KIF6: variants seen among roughly 807,000 people sequenced by gnomAD.
KIF6 encodes kinesin-like protein KIF6.
A neutral mutation model predicts 112.7 loss-of-function variants in KIF6; 106 were observed. That is an observed-to-expected ratio of 0.94 (90% CI 0.80 to 1.11). KIF6 has a LOEUF of 1.11. KIF6 is among the 50% of genes least tolerant of loss of function. The probability of loss-of-function intolerance (pLI) is 0.00; values close to 1 mark genes in which losing one functional copy is unlikely to be tolerated. For synonymous variants in KIF6, 339 were observed against 339.9 expected (o/e 1.00, Z 0.03); for missense variants, 929 against 964.0 (o/e 0.96, Z 0.48).
chr6:39,546,593 A>C lies in KIF6; in HGVS notation c.1182-905T>G, dbSNP rs184730901. On this transcript the variant is annotated intron_variant, in intron 10 of 22. Transcript: ENST00000287152. ...GTAATCCCAGCACTTTGGGAGGCCC[A>C]GGTGGGCGGATCACTTGAGGTCAGG... Among the ~76,000 whole-genome samples, 284 of 152,336 alleles carry C rather than the reference A, an allele frequency of 1.9e-3. 2 individuals are homozygous for C. Among genetic ancestry groups the C allele is most frequent in the African/African-American group, 6.7e-3 (278 of 41,580 alleles).
At chr6:39,341,433 T>C (rs906095007) in intron 22 of KIF6, among the ~76,000 whole-genome samples, 3 of 152,156 alleles carry the variant, frequency 2.0e-5, no homozygotes, top group Non-Finnish European at 4.4e-5. Context: ...CTGCTTCCTC[T>C]CTCTCCGCAA....
chr6:39,441,674 T>C (rs553227718), intron 13 of KIF6, among the ~76,000 whole-genome samples: 28 of 152,298 alleles, frequency 1.8e-4, no homozygotes, highest in African/African-American at 6.7e-4. Context: ...TGACTGCAGA[T>C]GTGAAGACCA....
At chr6:39,583,206 C>A in intron 9 of KIF6, 1 of 250,564 alleles carries the variant, frequency 4.0e-6, no homozygotes, top group Non-Finnish European at 8.4e-6. Context: ...TCCTTAAATT[C>A]TGAACTAGTT....
chr6:39,475,248 T>C (rs1032536675), intron 13 of KIF6, among the ~76,000 whole-genome samples: 1 of 152,140 alleles, frequency 6.6e-6, no homozygotes, highest in Non-Finnish European at 1.5e-5. Context: ...ATATGGGTGT[T>C]CTGGGGAGGA....
intron 15 of KIF6, among the ~76,000 whole-genome samples, chr6:39,404,097 A>G (rs1454814630): frequency 3.3e-5 from 5 of 152,152 alleles, no homozygotes; most frequent in Non-Finnish European, 7.4e-5. Context: ...TGATATCTGA[A>G]AATATTTTCT....
intron 13 of KIF6, among the ~76,000 whole-genome samples, chr6:39,482,080 G>A (rs529308111): frequency 6.6e-6 from 1 of 151,590 alleles, no homozygotes; most frequent in African/African-American, 2.4e-5. Flanking sequence ...ATCAACCACA[G>A]ATAACTCCAG....
chr6:39,419,206 T>C (rs1484983804), intron 15 of KIF6, among the ~76,000 whole-genome samples: 1 of 151,550 alleles, frequency 6.6e-6, no homozygotes, highest in East Asian at 1.9e-4. Context: ...TCACAAAAAT[T>C]AGCTGGGTGT....
intron 3 of KIF6, among the ~76,000 whole-genome samples, chr6:39,712,251 CA>C (rs1203417501): frequency 2.0e-5 from 3 of 151,212 alleles, no homozygotes; most frequent in African/African-American, 7.3e-5. Context: ...CAAAATGTCA[CA>C]AGGCAGTTGA....
chr6:39,622,547 A>G (rs1027151171), intron 5 of KIF6, among the ~76,000 whole-genome samples: 1 of 152,166 alleles, frequency 6.6e-6, no homozygotes. Flanking sequence ...TTTCCTCTCC[A>G]TCAATGATTG....
At chr6:39,455,825 G>A (rs1290466269) in intron 13 of KIF6, among the ~76,000 whole-genome samples, 3 of 148,164 alleles carry the variant, frequency 2.0e-5, no homozygotes, top group Non-Finnish European at 4.5e-5. Flanking sequence ...AGAGAAAAAA[G>A]AATAAAAAGA....
chr6:39,640,037 C>A (rs1348999479), intron 3 of KIF6, among the ~76,000 whole-genome samples: 3 of 151,946 alleles, frequency 2.0e-5, no homozygotes, highest in Non-Finnish European at 2.9e-5. Context: ...GGACTTGAAT[C>A]AAAGAATATA....
Position 39,725,395 on chromosome 6 carries a change from G to T in KIF6, c.-85C>A. On this transcript the variant is annotated 5_prime_UTR_variant, in exon 1 of 23. It adds an upstream start codon to the 5' untranslated region. Coordinates refer to ENST00000287152, the MANE Select transcript of KIF6 (RefSeq NM_145027.6). ...CTCCCACCACCTCCGGCGACCCACA[G>T]TCTTAGCAACAGTAGCTAGGGACAC... 3 of 1,097,674 alleles carry T rather than the reference G, an allele frequency of 2.7e-6. No individual in the cohort carries two copies. Among genetic ancestry groups the T allele is most frequent in the Non-Finnish European group, 4.1e-6 (3 of 734,132 alleles). 68.0% of individuals were successfully genotyped at this position (1,097,674 alleles called of 1,614,324 possible).
chr6:39,576,604 C>T (rs1051383242), intron 10 of KIF6, among the ~76,000 whole-genome samples: 3 of 152,144 alleles, frequency 2.0e-5, no homozygotes, highest in African/African-American at 7.2e-5. Context: ...GACAGTGTCT[C>T]GACTAGCACC....
intron 13 of KIF6, among the ~76,000 whole-genome samples, chr6:39,478,384 T>TAGTATTCCATCATATATATATC (rs1774573183): frequency 6.6e-6 from 1 of 152,248 alleles, no homozygotes; most frequent in Non-Finnish European, 1.5e-5. Context: ...TCTTTCTTTT[T>TAGTATTCCATCATATATATATC]ATGGCTGAGT....
chr6:39,650,225 C>A (rs958635044), intron 3 of KIF6, among the ~76,000 whole-genome samples: 1 of 152,184 alleles, frequency 6.6e-6, no homozygotes, highest in Non-Finnish European at 1.5e-5. Flanking sequence ...AACAGCTTCA[C>A]ATCCATAAGT....
chr6:39,367,058 A>G (rs1213290162), intron 16 of KIF6, among the ~76,000 whole-genome samples: 2 of 152,168 alleles, frequency 1.3e-5, no homozygotes. Flanking sequence ...TCCACGACAC[A>G]AACTACCCAC....
intron 13 of KIF6, among the ~76,000 whole-genome samples, chr6:39,514,931 C>T (rs1276054241): frequency 6.6e-6 from 1 of 152,112 alleles, no homozygotes; most frequent in African/African-American, 2.4e-5. Context: ...TTAAAGTGAA[C>T]AAACCAAAGG....
chr6:39,354,584 C>A (rs1764499927), intron 19 of KIF6, among the ~76,000 whole-genome samples: 1 of 152,122 alleles, frequency 6.6e-6, no homozygotes, highest in African/African-American at 2.4e-5. Context: ...GTCATTTGAC[C>A]TACTTCTCCG....
chr6:39,680,303 C>T (rs1002176601), intron 3 of KIF6, among the ~76,000 whole-genome samples: 8 of 152,226 alleles, frequency 5.3e-5, no homozygotes, highest in East Asian at 1.9e-4. Context: ...CCACCATGCC[C>T]GGGTGTATAA....
Sources: allele counts gnomAD v4.1 joint callset (sites outside exome capture counted in the v4.1 genomes callset), GRCh38; gene constraint gnomAD v4.1.1; transcripts MANE v1.5; gene names NCBI Gene and HGNC (gene_info 2026-07-23, HGNC 2026-07-21).